Variants in KLHL6 observed in about 807,000 individuals in gnomAD.
The protein encoded by KLHL6 is kelch like family member 6.
KLHL6 carries 41 observed loss-of-function variants against 58.6 expected under a neutral mutation model. The ratio of observed to expected loss-of-function variants is 0.70; its 90% CI spans 0.55 to 0.91. The LOEUF is 0.91. Among genes scored for constraint, KLHL6 ranks in the 40% least tolerant of loss-of-function variants. KLHL6 has a pLI of 0.00. For synonymous variants in KLHL6, 338 were observed against 322.7 expected, an observed-to-expected ratio of 1.05 and a Z score of -0.51; for missense variants, 714 against 805.6, an observed-to-expected ratio of 0.89 and a Z score of 1.38.
In KLHL6 at chr3:183,491,677, G is replaced by A; in HGVS notation, c.*250C>T. ...CCTGGCACAGAAGCCGGCATAGGGT[G>A]GGTGGGTCCTGAATGCTAAATATTA... On this transcript the variant is annotated 3_prime_UTR_variant, in exon 7 of 7. Coordinates refer to ENST00000341319, the MANE Select transcript of KLHL6 (RefSeq NM_130446.4). The A allele has an allele frequency of 2.6e-6, 1 of 380,818 alleles. No individual in the cohort carries two copies. The highest frequency in any genetic ancestry group is 4.4e-5 in the Admixed American group (1 of 22,662). 23.6% of individuals were successfully genotyped at this position (380,818 alleles called of 1,614,324 possible). A position where few individuals can be genotyped will look rare whatever the true frequency, so the allele number is the denominator to read the frequency against.
In KLHL6 at chr3:183,492,406, G is replaced by T; in HGVS notation, c.1564+88C>A. 1 of 1,459,230 alleles carries T rather than the reference G, an allele frequency of 6.9e-7. No homozygotes were observed. Among genetic ancestry groups the T allele is most frequent in the South Asian group, 1.2e-5 (1 of 80,192 alleles). The allele number at this position is 1,459,230 out of a possible 1,614,324, so 90.4% of individuals were successfully genotyped here. A position where few individuals can be genotyped will look rare whatever the true frequency, so the allele number is the denominator to read the frequency against. ...CTAGGGGCAGTGAGTTGCCAGCGCTGGAGACACCGCGACACACCGTTTACG... is the reference window on the plus strand; with the variant it reads ...CTAGGGGCAGTGAGTTGCCAGCGCTTGAGACACCGCGACACACCGTTTACG... On this transcript the variant is annotated intron_variant, in intron 6 of 6. Transcript: ENST00000341319. This position sits in a 1 kb window ranked among gnomAD's most constrained non-coding sequence, Gnocchi z 5.9.
intron 1 of KLHL6, 121 bp from the exon 2 acceptor site, chr3:183,528,131 G>A (rs528228736): frequency 2.8e-6 from 3 of 1,058,230 alleles, no homozygotes; most frequent in East Asian, 4.8e-5. Flanking sequence ...TCAGGTCCTG[G>A]GCTGGTGGCT....
intron 3 of KLHL6, among the ~76,000 whole-genome samples, chr3:183,504,242 T>C (rs1405075615): frequency 1.3e-5 from 2 of 152,216 alleles, no homozygotes; most frequent in Non-Finnish European, 2.9e-5. Context: ...AGCGTTCCAT[T>C]CATTACTTAA....
Position 183,508,106 on chromosome 3 carries a change from A to T in KLHL6, c.862T>A (p.Phe288Ile). The change falls in exon 3 of 7, where the codon TTC (phenylalanine) becomes ATC (isoleucine). Residue 288 changes from phenylalanine to isoleucine, a missense_variant. Around this residue, in one of 2 missense-constraint regions of KLHL6, gnomAD observed 510 missense variants for 629.7 expected, o/e 0.81. Coordinates refer to ENST00000341319, the MANE Select transcript of KLHL6 (RefSeq NM_130446.4). ...DPLIRQCPEV[F>I]PLLQEARMYH... ...ATCCTGGCTTCCTGGAGCAGCGGGA[A>T]GACCTCTGGGCACTGCCTGATGAGA... 1 of 1,614,200 alleles carries T rather than the reference A, an allele frequency of 6.2e-7. No homozygotes were observed. Among genetic ancestry groups the T allele is most frequent in the Non-Finnish European group, 8.5e-7 (1 of 1,180,026 alleles).
rs756777361 is a variant in KLHL6, at chr3:183,489,030, G to T, written c.*2897C>A. ...TATTCTGAAGTAGTCCAGAAACTTGGGTCCTACATTTAGAATCAGGTTTAT... is the reference window on the plus strand; with the variant it reads ...TATTCTGAAGTAGTCCAGAAACTTGTGTCCTACATTTAGAATCAGGTTTAT... On this transcript the variant is annotated 3_prime_UTR_variant, in exon 7 of 7. Coordinates refer to ENST00000341319, the MANE Select transcript of KLHL6 (RefSeq NM_130446.4). The T allele has an allele frequency of 5.3e-5, 8 of 152,118 alleles. No individual in the cohort carries two copies. The highest frequency in any genetic ancestry group is 8.8e-5 in the Non-Finnish European group (6 of 68,018). The allele number at this position is 152,118 out of a possible 1,614,324, so 9.4% of individuals were successfully genotyped here. A position where few individuals can be genotyped will look rare whatever the true frequency, so the allele number is the denominator to read the frequency against.
At chr3:183,528,795 G>A (rs945306725) in intron 1 of KLHL6, among the ~76,000 whole-genome samples, 3 of 152,058 alleles carry the variant, frequency 2.0e-5, no homozygotes, top group African/African-American at 7.2e-5. Context: ...TAAGTTTATT[G>A]TAAGGATTAG....
In KLHL6 at chr3:183,490,648, T is replaced by A. The variant is rs1717519825; in HGVS notation, c.*1279A>T. The A allele has an allele frequency of 6.6e-6, 1 of 151,848 alleles. No individual in the cohort carries two copies. The allele number at this position is 151,848 out of a possible 1,614,324, so 9.4% of individuals were successfully genotyped here. A position where few individuals can be genotyped will look rare whatever the true frequency, so the allele number is the denominator to read the frequency against. ...GGTGAAACCCCGTCTCTACTAAAAC[T>A]ACAAAAATTAGCCAGGCGCGGTGGC... is the stretch of plus-strand genomic sequence containing the variant. On this transcript the variant is annotated 3_prime_UTR_variant, in exon 7 of 7. Coordinates refer to ENST00000341319, the MANE Select transcript of KLHL6 (RefSeq NM_130446.4).
chr3:183,516,484 A>G (rs200435691), intron 2 of KLHL6, among the ~76,000 whole-genome samples: 2 of 152,258 alleles, frequency 1.3e-5, no homozygotes, highest in East Asian at 3.8e-4. Context: ...GGTTGCAGCC[A>G]GCCACCTGAC....
At chr3:183,494,369 A>T in intron 4 of KLHL6, 88 bp from the exon 5 acceptor site, 1 of 1,124,584 alleles carries the variant, frequency 8.9e-7, no homozygotes, top group Non-Finnish European at 1.3e-6. Context: ...CAAAAGTGCC[A>T]GGTCCCCAGG....
chr3:183,548,313 T>G (rs1712795076), intron 1 of KLHL6, among the ~76,000 whole-genome samples: 1 of 152,132 alleles, frequency 6.6e-6, no homozygotes, highest in African/African-American at 2.4e-5. Flanking sequence ...ATTCCCAGGG[T>G]TGGCAGAGGG....
chr3:183,538,682 G>T (rs951746733), intron 1 of KLHL6, among the ~76,000 whole-genome samples: 4 of 152,148 alleles, frequency 2.6e-5, no homozygotes, highest in Admixed American at 6.5e-5. Context: ...AGAAAGCAGG[G>T]AGTCAGCAGA....
At chr3:183,520,286 G>A (rs750757855) in intron 2 of KLHL6, 4 of 152,112 alleles carry the variant, frequency 2.6e-5, no homozygotes, top group Non-Finnish European at 5.9e-5. Flanking sequence ...ATCAAACACC[G>A]AGAAATATAA....
chr3:183,528,019 G>C lies in KLHL6; in HGVS notation c.294-9C>G. On this transcript the variant is annotated splice_polypyrimidine_tract_variant and intron_variant, in intron 1 of 6. Transcript: ENST00000341319. Reference sequence around the variant, plus strand: ...CGTTGCAGAACATGGCCCTGGAAGAGAAATGTGTGAATGTGAATCGTGCCG... The same window carrying C: ...CGTTGCAGAACATGGCCCTGGAAGACAAATGTGTGAATGTGAATCGTGCCG... The C allele has an allele frequency of 5.6e-6, 9 of 1,614,028 alleles. No homozygotes were observed. Among genetic ancestry groups the C allele is most frequent in the Non-Finnish European group, 7.6e-6 (9 of 1,179,964 alleles).
At position 183,508,347 on chromosome 3, in the gene KLHL6, A is replaced by C; in HGVS notation, c.621T>G (p.Ser207=). Residue 207 remains serine, a synonymous_variant, in exon 3 of 7, where the codon TCT becomes TCG. Transcript: ENST00000341319. ...IIQNFVQILN[S]EEFLDLPVDT... is the part of the protein sequence containing the mutation. ...CCACGGGCAGGTCAAGAAACTCCTCAGAGTTCAGAATCTGCACAAAGTTTT... is the reference window on the plus strand; with the variant it reads ...CCACGGGCAGGTCAAGAAACTCCTCCGAGTTCAGAATCTGCACAAAGTTTT... 6.2e-7 allele frequency: 1 copy of C among 1,614,234 alleles called. No individual in the cohort carries two copies. The highest frequency in any genetic ancestry group is 1.7e-5 in the Admixed American group (1 of 60,024).
At chr3:183,543,651 C>T (rs1037606551) in intron 1 of KLHL6, among the ~76,000 whole-genome samples, 53 of 152,164 alleles carry the variant, frequency 3.5e-4, no homozygotes, top group Non-Finnish European at 7.1e-4. Flanking sequence ...CCAAAATTCC[C>T]CCAACACCAA....
chr3:183,526,266 G>C (rs1023797537), intron 2 of KLHL6, among the ~76,000 whole-genome samples: 11 of 152,174 alleles, frequency 7.2e-5, no homozygotes, highest in Admixed American at 1.3e-4. Flanking sequence ...AACCAAGATT[G>C]TGCCATTGTA....
At chr3:183,531,988 A>G (rs906018906) in intron 1 of KLHL6, among the ~76,000 whole-genome samples, 5 of 152,244 alleles carry the variant, frequency 3.3e-5, no homozygotes, top group African/African-American at 1.2e-4. Flanking sequence ...TTGGGATATA[A>G]TGAATGTATT....
At chr3:183,494,800 C>T (rs1195819206) in intron 4 of KLHL6, among the ~76,000 whole-genome samples, 2 of 152,218 alleles carry the variant, frequency 1.3e-5, no homozygotes, top group South Asian at 2.1e-4. Context: ...CCTGGTTTGT[C>T]GCTCTGATCT....
At position 183,492,403 on chromosome 3, in the gene KLHL6, G is replaced by T; in HGVS notation, c.1564+91C>A. On this transcript the variant is annotated intron_variant, in intron 6 of 6. Coordinates refer to ENST00000341319, the MANE Select transcript of KLHL6 (RefSeq NM_130446.4). This position sits in a 1 kb window ranked among gnomAD's most constrained non-coding sequence, Gnocchi z 5.9. ...GTCCTAGGGGCAGTGAGTTGCCAGC[G>T]CTGGAGACACCGCGACACACCGTTT... 7.0e-7 allele frequency: 1 copy of T among 1,434,380 alleles called. No individual in the cohort carries two copies. Among genetic ancestry groups the T allele is most frequent in the Non-Finnish European group, 9.6e-7 (1 of 1,038,060 alleles). The allele number at this position is 1,434,380 out of a possible 1,614,324, so 88.9% of individuals were successfully genotyped here.
Sources: gnomAD v4.1 joint callset for allele counts (sites outside exome capture counted in the v4.1 genomes callset) on GRCh38, gnomAD v4.1.1 for gene constraint, gnomAD v4.1.1 regional missense constraint, Gnocchi (gnomAD v3.1) non-coding constraint, MANE v1.5 for transcripts, NCBI Gene and HGNC (gene_info 2026-07-23, HGNC 2026-07-21) for gene names.